Variants in WIPI1 observed in about 807,000 individuals in gnomAD.
WIPI1 encodes WD repeat domain phosphoinositide-interacting protein 1.
In WIPI1, 45 loss-of-function variants were observed where a neutral mutation model predicts 55.3. The ratio of observed to expected loss-of-function variants is 0.81; its 90% CI spans 0.64 to 1.04. The LOEUF (loss-of-function observed/expected upper bound fraction) is 1.04, where lower values mean the gene tolerates loss of function less well. Ranked by LOEUF, WIPI1 falls within the 50% of genes least tolerant of loss-of-function variation. The pLI is 0.00. For synonymous variants in WIPI1, 195 were observed against 217.6 expected (o/e 0.90, Z 0.92); for missense variants, 445 against 559.0 (o/e 0.80, Z 2.06).
intron 3 of WIPI1, among the ~76,000 whole-genome samples, chr17:68,447,984 C>CAAAAAAA (rs5821653): frequency 1.0e-4 from 8 of 80,230 alleles, no homozygotes; most frequent in African/African-American, 1.4e-4. Flanking sequence ...GACTCTATCT[C>CAAAAAAA]AAAAAAAAAA....
intron 10 of WIPI1, chr17:68,427,536 T>TTA: frequency 4.1e-6 from 1 of 241,408 alleles, no homozygotes; most frequent in Non-Finnish European, 8.2e-6. Flanking sequence ...TTTGTATTTT[T>TTA]AGTAGAGACT....
intron 10 of WIPI1, 36 bp downstream of exon 10, chr17:68,428,793 C>G (rs1205292226): frequency 6.5e-7 from 1 of 1,533,818 alleles, no homozygotes; most frequent in Non-Finnish European, 9.0e-7. Flanking sequence ...ACGACCAGCT[C>G]TCGAAAGGCT....
At chr17:68,428,592 A>AG (rs1053165624) in intron 10 of WIPI1, 4 of 450,652 alleles carry the variant, frequency 8.9e-6, no homozygotes, top group Non-Finnish European at 1.6e-5. Context: ...GCATAGGCTG[A>AG]GGGGGAGACC....
chr17:68,454,113 A>G (rs999260760), intron 1 of WIPI1, among the ~76,000 whole-genome samples: 1 of 152,272 alleles, frequency 6.6e-6, no homozygotes, highest in Non-Finnish European at 1.5e-5. Context: ...GAGGAGATAA[A>G]GACAGGACGT....
intron 5 of WIPI1, among the ~76,000 whole-genome samples, 160 bp downstream of exon 5, chr17:68,436,222 G>C (rs1208294471): frequency 6.6e-6 from 1 of 152,190 alleles, no homozygotes; most frequent in African/African-American, 2.4e-5. Flanking sequence ...CTCACAGCAA[G>C]CCCGAGGGGA....
intron 4 of WIPI1, among the ~76,000 whole-genome samples, chr17:68,436,982 A>C (rs1335447202): frequency 7.6e-6 from 1 of 131,120 alleles, no homozygotes; most frequent in African/African-American, 3.2e-5. Context: ...CTACAGAGTG[A>C]GACCCCGTCT....
intron 2 of WIPI1, 135 bp from the exon 3 acceptor site, chr17:68,451,032 A>C: frequency 8.0e-7 from 1 of 1,254,052 alleles, no homozygotes; most frequent in East Asian, 2.7e-5. Flanking sequence ...GCCCTCTCTG[A>C]GCTTGCATTG....
intron 1 of WIPI1, among the ~76,000 whole-genome samples, chr17:68,455,631 A>C (rs2084629084): frequency 6.6e-6 from 1 of 152,232 alleles, no homozygotes; most frequent in South Asian, 2.1e-4. Flanking sequence ...TAGGCAAGGC[A>C]AAGCTGCCCA....
At chr17:68,449,620 C>A (rs913278757) in intron 3 of WIPI1, among the ~76,000 whole-genome samples, 2 of 152,178 alleles carry the variant, frequency 1.3e-5, no homozygotes, top group African/African-American at 2.4e-5. Context: ...TAGTACCCCC[C>A]ACCCGTCTCT....
At position 68,435,719 on chromosome 17, in the gene WIPI1, G is replaced by C. The variant is rs750196610; in HGVS notation, c.529-7C>G. ...CAATAGTGCAGACTGTTTTCTGTTG[G>C]TGAAAAGGAAAAATGGATACAGATG... On this transcript the variant is annotated splice_region_variant and splice_polypyrimidine_tract_variant and intron_variant, in intron 5 of 12. Transcript: ENST00000262139. 3 of 1,614,026 alleles carry C rather than the reference G, an allele frequency of 1.9e-6. No individual in the cohort carries two copies. Among genetic ancestry groups the C allele is most frequent in the Non-Finnish European group, 2.5e-6 (3 of 1,179,888 alleles).
intron 1 of WIPI1, among the ~76,000 whole-genome samples, chr17:68,454,759 G>T (rs1180393315): frequency 5.9e-5 from 9 of 152,192 alleles, no homozygotes; most frequent in Admixed American, 5.2e-4. Context: ...TGTAAAGTTT[G>T]CAAGTAAGGA....
chr17:68,430,540 A>T (rs576167188), intron 8 of WIPI1, among the ~76,000 whole-genome samples: 1 of 152,298 alleles, frequency 6.6e-6, no homozygotes, highest in South Asian at 2.1e-4. Context: ...TGCCGGGCTC[A>T]TGGAAGAACA....
rs1297260472 is a variant in WIPI1 at position 68,421,748 on chromosome 17, C to T, written c.*25G>A. On this transcript the variant is annotated 3_prime_UTR_variant, in exon 13 of 13. Transcript: ENST00000262139. ...CAAAACCACCTGATAGGGGGGATGT[C>T]CTGATTTCTGAGGTGTGCTTCTCAT... 6 of 1,614,046 alleles carry T rather than the reference C, an allele frequency of 3.7e-6. No individual in the cohort carries two copies. The highest frequency in any genetic ancestry group is 2.7e-5 in the African/African-American group (2 of 74,930).
intron 1 of WIPI1, among the ~76,000 whole-genome samples, chr17:68,454,778 C>T (rs2148002998): frequency 6.6e-6 from 1 of 152,326 alleles, no homozygotes; most frequent in Admixed American, 6.5e-5. Flanking sequence ...GAAAGAAATA[C>T]TGTAACTAGA....
At chr17:68,438,047 G>A (rs1270693214) in intron 4 of WIPI1, among the ~76,000 whole-genome samples, 1 of 150,658 alleles carries the variant, frequency 6.6e-6, no homozygotes, top group Non-Finnish European at 1.5e-5. Flanking sequence ...CTTTAGGTCA[G>A]GCTGAAACAT....
At position 68,429,954 on chromosome 17, in the gene WIPI1, C is replaced by T. The variant is rs778935957; in HGVS notation, c.965+42G>A. The T allele has an allele frequency of 4.4e-5, 71 of 1,609,966 alleles. No homozygotes were observed. The Middle Eastern group carries it at 4.9e-4, about 11-fold the overall frequency. On this transcript the variant is annotated intron_variant, in intron 9 of 12. Coordinates refer to ENST00000262139, the MANE Select transcript of WIPI1 (RefSeq NM_017983.7). ...TTTGTGCTTTGGAAAAATACATTGA[C>T]GAAAGTGTGGTCTTGTTCAGAGTGG...
Position 68,427,773 on chromosome 17 carries a change from GGACATGC to G in WIPI1, c.1074-527_1074-521del, listed in dbSNP as rs1395754322. On this transcript the variant is annotated intron_variant, in intron 10 of 12. Transcript: ENST00000262139. ...TGCTCTTCCCAGTACACACAGGTGA[GGACATGC>G]TAGCAAGGAGAGCAGCCATCGGTGG... Among the ~76,000 whole-genome samples, 19 of 152,334 alleles carry G rather than the reference GGACATGC, an allele frequency of 1.2e-4. No individual in the cohort carries two copies. In the East Asian group the frequency reaches 3.5e-3, roughly 28 times the overall value.
Position 68,428,933 on chromosome 17 carries a change from G to A in WIPI1, c.969C>T (p.Ile323=). Residue 323 remains isoleucine, a synonymous_variant, in exon 10 of 13, where the codon ATC becomes ATT. Coordinates refer to ENST00000262139, the MANE Select transcript of WIPI1 (RefSeq NM_017983.7). ...CAACTAGCAGCCGTGGCAACTTCTG[G>A]ATCCTAAGGGCCAAGGAAAACATAA... ...GQRNICTLST[I]QKLPRLLVAS... 1 of 1,612,820 alleles carries A rather than the reference G, an allele frequency of 6.2e-7. No individual in the cohort carries two copies. The highest frequency in any genetic ancestry group is 8.5e-7 in the Non-Finnish European group (1 of 1,179,156).
chr17:68,432,314 A>T (rs918183999), intron 8 of WIPI1, among the ~76,000 whole-genome samples: 1 of 152,176 alleles, frequency 6.6e-6, no homozygotes, highest in African/African-American at 2.4e-5. Flanking sequence ...GGCTTGCTTT[A>T]ATCACACATG....
Sources: allele counts gnomAD v4.1 joint callset (sites outside exome capture counted in the v4.1 genomes callset), GRCh38; gene constraint gnomAD v4.1.1; transcripts MANE v1.5; gene names NCBI Gene and HGNC (gene_info 2026-07-23, HGNC 2026-07-21).